The following KANK1 variants were observed in gnomAD, a reference collection of about 807,000 sequenced individuals.
KANK1 encodes the protein KN motif and ankyrin repeat domains 1, also known as KN motif and ankyrin repeat domain-containing protein 1.
A neutral mutation model predicts 106.2 loss-of-function variants in KANK1; 109 were observed. The ratio of observed to expected loss-of-function variants is 1.03; its 90% CI spans 0.88 to 1.20. KANK1 has a LOEUF of 1.20. KANK1 is among the 50% of genes most tolerant of loss of function. The pLI is 0.00. For missense variants in KANK1, 2,399 were observed against 1,710.7 expected, an observed-to-expected ratio of 1.40 and a Z score of -7.10; for synonymous variants, 873 against 652.2, an observed-to-expected ratio of 1.34 and a Z score of -5.16.
chr9:473,695 A>T (rs2058057408), intron 3 of KANK1, among the ~76,000 whole-genome samples: 1 of 152,078 alleles, frequency 6.6e-6, no homozygotes. Flanking sequence ...ACCCAGAAAG[A>T]ACAAGAATTT....
At chr9:607,484 CAAAAAAAAA>C (rs760884670) in intron 1 of KANK1, among the ~76,000 whole-genome samples, 4 of 61,222 alleles carry the variant, frequency 6.5e-5, no homozygotes, top group Non-Finnish European at 1.3e-4. Context: ...GACTCCATCT[CAAAAAAAAA>C]AAAAAAAAAA....
chr9:604,699 G>A lies in KANK1; in HGVS notation c.-83-72191G>A, dbSNP rs552201720. Among the ~76,000 whole-genome samples the A allele has an allele frequency of 1.6e-3, 250 of 151,688 alleles. 7 individuals are homozygous for A. Among genetic ancestry groups the A allele is most frequent in the African/African-American group, 5.8e-3 (237 of 41,084 alleles). ...AACAAAAATTAGCCGGGCGGGTGGC[G>A]CACACCTGTAATCTCAGCTGTTCGG... is the stretch of plus-strand genomic sequence containing the variant. On this transcript the variant is annotated intron_variant, in intron 1 of 11. Transcript: ENST00000382297.
chr9:712,208 A>T lies in KANK1; in HGVS notation c.1442A>T (p.His481Leu). 6.2e-7 allele frequency: 1 copy of T among 1,614,184 alleles called. No individual in the cohort carries two copies. The highest frequency in any genetic ancestry group is 8.5e-7 in the Non-Finnish European group (1 of 1,180,026). Residue 481 changes from histidine (H) to leucine (L), a missense_variant, in exon 3 of 12, where the codon CAT becomes CTT. Coordinates refer to ENST00000382297, the MANE Select transcript of KANK1 (RefSeq NM_015158.5). Reference protein sequence around the residue: ...RLEVQLRETTHDREMTKLKQE... With the variant: ...RLEVQLRETTLDREMTKLKQE... ...GAAGTACAGCTTAGAGAAACCACCCATGACCGGGAGATGACTAAACTGAAA... is the reference window on the plus strand; with the variant it reads ...GAAGTACAGCTTAGAGAAACCACCCTTGACCGGGAGATGACTAAACTGAAA...
At chr9:613,082 A>G (rs559435440) in intron 1 of KANK1, among the ~76,000 whole-genome samples, 2 of 152,218 alleles carry the variant, frequency 1.3e-5, no homozygotes, top group East Asian at 3.9e-4. Context: ...AGGAGGAAAT[A>G]TGGAGTAAAG....
intron 1 of KANK1, among the ~76,000 whole-genome samples, chr9:599,983 G>A (rs1418308388): frequency 6.6e-6 from 1 of 151,700 alleles, no homozygotes; most frequent in African/African-American, 2.4e-5. Context: ...GTCCATGTAA[G>A]TCTTTAAGGT....
intron 3 of KANK1, among the ~76,000 whole-genome samples, chr9:716,997 G>A (rs1827889535): frequency 6.6e-6 from 1 of 150,870 alleles, no homozygotes; most frequent in South Asian, 2.1e-4. Flanking sequence ...TGGGGGTGGT[G>A]GGGGGAGATT....
chr9:741,548 T>C (rs1037804404), intron 9 of KANK1, among the ~76,000 whole-genome samples: 1 of 148,292 alleles, frequency 6.7e-6, no homozygotes, highest in Admixed American at 6.9e-5. Flanking sequence ...AGTGCAGTGG[T>C]GCGATCTTGG....
intron 3 of KANK1, among the ~76,000 whole-genome samples, chr9:728,125 C>T (rs954848149): frequency 3.3e-5 from 5 of 152,092 alleles, no homozygotes; most frequent in African/African-American, 1.2e-4. Flanking sequence ...TGACAGCAGA[C>T]CCTAAAAGAA....
chr9:605,039 C>A (rs1249723820), intron 1 of KANK1, among the ~76,000 whole-genome samples: 1 of 151,750 alleles, frequency 6.6e-6, no homozygotes, highest in Non-Finnish European at 1.5e-5. Context: ...AGTGGTGGCT[C>A]ACGCCTGTAA....
intron 2 of KANK1, chr9:684,473 A>T: frequency 1.0e-6 from 1 of 985,444 alleles, no homozygotes; most frequent in Non-Finnish European, 1.2e-6. Context: ...AGCTGTTGCT[A>T]TTATTCTAAG....
intron 1 of KANK1, among the ~76,000 whole-genome samples, chr9:520,023 C>G (rs2059473244): frequency 6.6e-6 from 1 of 151,722 alleles, no homozygotes; most frequent in African/African-American, 2.4e-5. Flanking sequence ...CTGGGACATA[C>G]TTATGGCAGA....
chr9:667,110 G>C (rs985746390), intron 1 of KANK1, among the ~76,000 whole-genome samples: 1 of 151,146 alleles, frequency 6.6e-6, no homozygotes, highest in Non-Finnish European at 1.5e-5. Context: ...TTTAATTATA[G>C]CTTTGATCTT....
chr9:479,463 C>T (rs1312307701), intron 3 of KANK1, among the ~76,000 whole-genome samples: 3 of 152,124 alleles, frequency 2.0e-5, no homozygotes, highest in African/African-American at 7.2e-5. Context: ...AGGCATTTGG[C>T]CATGTTAGGT....
chr9:543,844 G>C (rs1306206142), intron 1 of KANK1, among the ~76,000 whole-genome samples: 2 of 151,972 alleles, frequency 1.3e-5, no homozygotes, highest in African/African-American at 4.8e-5. Flanking sequence ...GCCCCTTACC[G>C]TCTTCAAAAT....
chr9:516,905 T>C (rs183571343), intron 1 of KANK1, among the ~76,000 whole-genome samples: 27 of 151,514 alleles, frequency 1.8e-4, no homozygotes, highest in Admixed American at 6.6e-4. Flanking sequence ...GTTTGAACAC[T>C]TGGGTTACGA....
chr9:594,693 A>T (rs10465091), intron 1 of KANK1, among the ~76,000 whole-genome samples: 1 of 151,606 alleles, frequency 6.6e-6, no homozygotes, highest in African/African-American at 2.4e-5. Context: ...ACAATTATAG[A>T]TGTGTCTGAA....
At chr9:584,192 A>C (rs1327586094) in intron 1 of KANK1, among the ~76,000 whole-genome samples, 6 of 152,210 alleles carry the variant, frequency 3.9e-5, no homozygotes, top group Non-Finnish European at 7.4e-5. Flanking sequence ...AAATGAAAGC[A>C]TACAAGACTA....
At chr9:511,558 CTG>C (rs2059027171) in intron 1 of KANK1, among the ~76,000 whole-genome samples, 1 of 145,456 alleles carries the variant, frequency 6.9e-6, no homozygotes, top group South Asian at 2.1e-4. Flanking sequence ...AAAACCAACT[CTG>C]TTGGTTGAGG....
At chr9:540,020 G>T (rs1263495906) in intron 1 of KANK1, among the ~76,000 whole-genome samples, 1 of 152,106 alleles carries the variant, frequency 6.6e-6, no homozygotes, top group Non-Finnish European at 1.5e-5. Context: ...CATTTTTGAT[G>T]TATTTTATTT....
Sources: gnomAD v4.1 joint callset for allele counts (sites outside exome capture counted in the v4.1 genomes callset) on GRCh38, gnomAD v4.1.1 for gene constraint, MANE v1.5 for transcripts, NCBI Gene and HGNC (gene_info 2026-07-23, HGNC 2026-07-21) for gene names.